FAN1: variants seen among roughly 807,000 people sequenced by gnomAD.
The protein encoded by FAN1 is fanconi-associated nuclease 1.
In FAN1, 91 loss-of-function variants were observed where a neutral mutation model predicts 104.9. The ratio of observed to expected loss-of-function variants is 0.87; its 90% CI spans 0.73 to 1.03. FAN1 has a LOEUF of 1.03. Among genes scored for constraint, FAN1 ranks in the 50% least tolerant of loss-of-function variants. The pLI is 0.00. For synonymous variants in FAN1, 478 were observed against 457.6 expected (o/e 1.04, Z -0.57); for missense variants, 1,263 against 1,239.9 (o/e 1.02, Z -0.28).
At position 30,929,655 on chromosome 15, in the gene FAN1, A is replaced by G. The variant is rs2062575422; in HGVS notation, c.2787+258A>G. Among the ~76,000 whole-genome samples, 3 of 62,544 alleles carry G rather than the reference A, an allele frequency of 4.8e-5. No individual in the cohort carries two copies. The South Asian group carries it at 1.3e-3, about 28-fold the overall frequency. 41.0% of individuals were successfully genotyped at this position (62,544 alleles called of 152,430 possible). On this transcript the variant is annotated intron_variant, in intron 12 of 14. Transcript: ENST00000362065. The stretch of plus-strand genomic sequence containing the variant: ...TTATACAATATACAATATATAATAT[A>G]ATATATGAAATATATAATATATCAT...
rs772209499 is a variant in FAN1 at position 30,942,198 on chromosome 15, C to T, written c.*636C>T. On this transcript the variant is annotated 3_prime_UTR_variant, in exon 15 of 15. Coordinates refer to ENST00000362065, the MANE Select transcript of FAN1 (RefSeq NM_014967.5). ...AATTTCAGCCTCAAAGAACATTTTC[C>T]TCCCTTCCTTTGTGTCCTTATTCTA... The T allele has an allele frequency of 6.9e-5, 82 of 1,193,948 alleles. No homozygotes were observed. The highest frequency in any genetic ancestry group is 1.1e-4 in the Admixed American group (5 of 43,792). The allele number at this position is 1,193,948 out of a possible 1,614,324, so 74.0% of individuals were successfully genotyped here.
At position 30,930,589 on chromosome 15, in the gene FAN1, G is replaced by A; in HGVS notation, c.2834G>A (p.Arg945Lys). 7.4e-6 allele frequency: 12 copies of A among 1,613,080 alleles called. No individual in the cohort carries two copies. Among genetic ancestry groups the A allele is most frequent in the Non-Finnish European group, 1.0e-5 (12 of 1,179,668 alleles). Residue 945 changes from arginine to lysine, a missense_variant, in exon 13 of 15, where the codon AGG becomes AAG. Arg to Lys is a conservative substitution (Grantham distance 26). Transcript: ENST00000362065. ...GGCCCTGTGCTCAGTGGTGTGTGCA[G>A]GCACCTGGCTGCTGACTTTCGACAC... ...LGGPVLSGVC[R>K]HLAADFRHCR... is the part of the protein sequence containing the mutation.
At chr15:30,912,838 A>C (rs2955796) in intron 4 of FAN1, among the ~76,000 whole-genome samples, 62,649 of 152,066 alleles carry the variant, frequency 0.41, 14,270 homozygotes, top group East Asian at 0.85. Flanking sequence ...CTGACAACAA[A>C]GAATTACCTA....
chr15:30,942,746 G>T lies in FAN1; in HGVS notation c.*1184G>T. On this transcript the variant is annotated 3_prime_UTR_variant, in exon 15 of 15. Transcript: ENST00000362065. ...GAAGAAAGCTGGGATACAGTCATTT[G>T]AGTTAAAAAGGGAATGACCCCTCAG... is the stretch of plus-strand genomic sequence containing the variant. The T allele has an allele frequency of 1.2e-6, 1 of 812,412 alleles. No individual in the cohort carries two copies. The allele number at this position is 812,412 out of a possible 1,614,324, so 50.3% of individuals were successfully genotyped here. A position where few individuals can be genotyped will look rare whatever the true frequency, so the allele number is the denominator to read the frequency against.
At chr15:30,927,293 C>CT in intron 10 of FAN1, 6 of 985,508 alleles carry the variant, frequency 6.1e-6, no homozygotes, top group Non-Finnish European at 7.2e-6. Context: ...GGACGGAACA[C>CT]TGACTGGAAA....
intron 4 of FAN1, among the ~76,000 whole-genome samples, chr15:30,912,233 A>G (rs2140911536): frequency 6.6e-6 from 1 of 152,280 alleles, no homozygotes; most frequent in African/African-American, 2.4e-5. Flanking sequence ...GTTGTCCTTT[A>G]TTTCTTCATT....
At position 30,929,361 on chromosome 15, in the gene FAN1, C is replaced by G. The variant is rs1356972696; in HGVS notation, c.2751C>G (p.Val917=). 6.2e-6 allele frequency: 10 copies of G among 1,611,354 alleles called. No homozygotes were observed. The East Asian group carries it at 2.0e-4, about 33-fold the overall frequency. The change falls in exon 12 of 15, where the codon GTC becomes GTG. Residue 917 remains valine, a synonymous_variant. Coordinates refer to ENST00000362065, the MANE Select transcript of FAN1 (RefSeq NM_014967.5). ...AGGAAGGCAGAGTGGCTTCCCTTGT[C>G]AGCTGGGATCGCTTCACGTCTCTTC... is the stretch of plus-strand genomic sequence containing the variant. ...HEQEGRVASL[V]SWDRFTSLQQ... is the part of the protein sequence containing the mutation.
At chr15:30,923,825 TTATG>T (rs1240510097) in intron 8 of FAN1, among the ~76,000 whole-genome samples, 3 of 152,256 alleles carry the variant, frequency 2.0e-5, no homozygotes, top group Admixed American at 2.0e-4. Context: ...CTTTCACTTT[TTATG>T]TTTCTATTGT....
intron 14 of FAN1, chr15:30,940,134 A>C (rs2062989481): frequency 2.0e-6 from 2 of 985,490 alleles, no homozygotes; most frequent in African/African-American, 3.5e-5. Context: ...GCAGTTTAAG[A>C]AACAGTCAAA....
Position 30,929,358 on chromosome 15 carries a change from T to C in FAN1, c.2748T>C (p.Leu916=). Residue 916 remains leucine (L), a synonymous_variant, in exon 12 of 15, where the codon CTT becomes CTC. Transcript: ENST00000362065. ...WHEQEGRVAS[L]VSWDRFTSLQ... ...AGCAGGAAGGCAGAGTGGCTTCCCT[T>C]GTCAGCTGGGATCGCTTCACGTCTC... 6.2e-7 allele frequency: 1 copy of C among 1,611,704 alleles called. No homozygotes were observed. Among genetic ancestry groups the C allele is most frequent in the African/African-American group, 1.3e-5 (1 of 74,782 alleles).
intron 7 of FAN1, among the ~76,000 whole-genome samples, chr15:30,921,813 C>T (rs1256843063): frequency 6.6e-6 from 1 of 152,062 alleles, no homozygotes; most frequent in Non-Finnish European, 1.5e-5. Flanking sequence ...ATGAGGACAC[C>T]CCTCATTACT....
chr15:30,933,348 TTC>T (rs751281535), intron 13 of FAN1, among the ~76,000 whole-genome samples: 11 of 152,240 alleles, frequency 7.2e-5, no homozygotes, highest in African/African-American at 1.2e-4. Flanking sequence ...TCACAATACT[TTC>T]TGATTTCCCT....
Position 30,910,757 on chromosome 15 carries a change from C to T in FAN1, c.1519C>T (p.Arg507Cys), listed in dbSNP as rs1244209000. 6.2e-6 allele frequency: 10 copies of T among 1,614,022 alleles called. No homozygotes were observed. Among genetic ancestry groups the T allele is most frequent in the East Asian group, 2.2e-5 (1 of 44,874 alleles). Residue 507 changes from arginine (R) to cysteine (C), a missense_variant, in exon 4 of 15, where the codon CGT (arginine) becomes TGT (cysteine). Physicochemically the swap from Arg to Cys is radical, Grantham distance 180. Coordinates refer to ENST00000362065, the MANE Select transcript of FAN1 (RefSeq NM_014967.5). ...CGCCTTTCTCAAATTGGCCAAACAG[C>T]GTTCAGTCTGCACTTGGGGCAAGAA... Reference protein sequence around the residue: ...VDAFLKLAKQRSVCTWGKNKP... With the variant: ...VDAFLKLAKQCSVCTWGKNKP...
At chr15:30,904,302 A>C (rs1191715299) in intron 1 of FAN1, among the ~76,000 whole-genome samples, 1 of 152,138 alleles carries the variant, frequency 6.6e-6, no homozygotes, top group Non-Finnish European at 1.5e-5. Context: ...GATGTCCTAG[A>C]AATTACCCTT....
At chr15:30,929,703 T>C (rs1257051754) in intron 12 of FAN1, among the ~76,000 whole-genome samples, 1 of 102,600 alleles carries the variant, frequency 9.7e-6, no homozygotes, top group African/African-American at 4.4e-5. Context: ...AAATATATAT[T>C]ATATCATATA....
In FAN1 at chr15:30,930,562, G is replaced by A. The variant is rs1266584367; in HGVS notation, c.2807G>A (p.Gly936Glu). The A allele has an allele frequency of 2.5e-6, 4 of 1,599,976 alleles. No homozygotes were observed. The highest frequency in any genetic ancestry group is 2.2e-5 in the South Asian group (2 of 89,248). The stretch of plus-strand genomic sequence containing the variant: ...GTTCAGGATCTTGTCTCCTGCCTGG[G>A]GGGCCCTGTGCTCAGTGGTGTGTGC... ...QQAQDLVSCLGGPVLSGVCRH... is the reference protein window; with the variant it reads ...QQAQDLVSCLEGPVLSGVCRH... The change falls in exon 13 of 15, where the codon GGG becomes GAG. Residue 936 changes from glycine (G) to glutamate (E), a missense_variant. Coordinates refer to ENST00000362065, the MANE Select transcript of FAN1 (RefSeq NM_014967.5).
intron 4 of FAN1, chr15:30,911,325 T>C (rs1366300274): frequency 2.0e-6 from 2 of 984,910 alleles, no homozygotes; most frequent in East Asian, 1.1e-4. Flanking sequence ...TTTGCCCATG[T>C]TATTTATATA....
chr15:30,939,267 C>T (rs888576755), intron 14 of FAN1: 9 of 985,336 alleles, frequency 9.1e-6, no homozygotes, highest in African/African-American at 5.2e-5. Context: ...TACACCTTTA[C>T]GTTCAATACT....
chr15:30,932,711 CTTTTCT>C (rs938085029), intron 13 of FAN1, among the ~76,000 whole-genome samples: 1 of 103,250 alleles, frequency 9.7e-6, no homozygotes, highest in African/African-American at 3.6e-5. Flanking sequence ...ATATTTGTTT[CTTTTCT>C]TTTTTTTTTT....
Sources: gnomAD v4.1 joint callset for allele counts (sites outside exome capture counted in the v4.1 genomes callset) on GRCh38, gnomAD v4.1.1 for gene constraint, MANE v1.5 for transcripts, NCBI Gene and HGNC (gene_info 2026-07-23, HGNC 2026-07-21) for gene names.